ARID3C: variants seen among roughly 807,000 people sequenced by gnomAD.
ARID3C encodes the protein AT-rich interaction domain 3C, also known as AT-rich interactive domain-containing protein 3C.
Under a neutral mutation model 37.9 loss-of-function variants are expected in ARID3C, and 42 were observed. That is an observed-to-expected ratio of 1.11 (90% CI 0.87 to 1.43). The LOEUF (loss-of-function observed/expected upper bound fraction) is 1.43, where lower values mean the gene tolerates loss of function less well. Ranked by LOEUF, ARID3C falls within the 40% of genes most tolerant of loss-of-function variation. ARID3C has a pLI of 0.00. For missense variants in ARID3C, 581 were observed against 548.8 expected (o/e 1.06, Z -0.59); for synonymous variants, 213 against 228.0 (o/e 0.93, Z 0.59).
At position 34,623,728 on chromosome 9, in the gene ARID3C, G is replaced by A. The variant is rs771031503; in HGVS notation, c.576-14C>T. On this transcript the variant is annotated splice_polypyrimidine_tract_variant and intron_variant, in intron 3 of 6. Transcript: ENST00000378909. ...TACTTCATGTACCTAGGGGCGGACAGCGGGCGGTGAGTGTATGGGAGGCTG... is the reference window on the plus strand; with the variant it reads ...TACTTCATGTACCTAGGGGCGGACAACGGGCGGTGAGTGTATGGGAGGCTG... 4 of 1,516,454 alleles carry A rather than the reference G, an allele frequency of 2.6e-6. No individual in the cohort carries two copies. The highest frequency in any genetic ancestry group is 1.8e-4 in the Middle Eastern group (1 of 5,472). The allele number at this position is 1,516,454 out of a possible 1,614,324, so 93.9% of individuals were successfully genotyped here.
Position 34,625,103 on chromosome 9 carries a change from C to T in ARID3C, c.391+639G>A, listed in dbSNP as rs117101484. On this transcript the variant is annotated intron_variant, in intron 2 of 6. Transcript: ENST00000378909. ...GGTAACAGGGCAGCCAGTTAATTAG[C>T]GGCTTATCAGGCTGCGCTCTGAGTG... 4.6e-3 allele frequency among the ~76,000 whole-genome samples: 696 copies of T among 152,212 alleles called. 4 individuals are homozygous for T. Among genetic ancestry groups the T allele is most frequent in the Non-Finnish European group, 7.1e-3 (486 of 68,004 alleles).
upstream of ARID3C, among the ~76,000 whole-genome samples, chr9:34,630,191 C>T (rs931079983): frequency 6.6e-6 from 1 of 152,200 alleles, no homozygotes; most frequent in African/African-American, 2.4e-5. Context: ...CTATGTGTGC[C>T]TGACTGCCAC....
At chr9:34,623,682 T>G in exon 4 of ARID3C, 1 of 1,575,918 alleles carries the variant, frequency 6.3e-7, no homozygotes, top group Non-Finnish European at 8.6e-7. Context: ...CGCTCGAGTC[T>G]CGCACTCGTA....
intron 2 of ARID3C, among the ~76,000 whole-genome samples, 182 bp from the exon 4 acceptor site, chr9:34,624,229 C>G (rs1245983543): frequency 6.7e-6 from 1 of 149,288 alleles, no homozygotes. Flanking sequence ...CGGGGGGGGG[C>G]AAAGTTCTGT....
intron 4 of ARID3C, 52 bp downstream of exon 5, chr9:34,623,373 C>T (rs1489596640): frequency 1.6e-5 from 23 of 1,463,480 alleles, no homozygotes; most frequent in Non-Finnish European, 2.0e-5. Flanking sequence ...TATATCTTAG[C>T]GCCCACCTAA....
chr9:34,625,664 A>G (rs1820644924), intron 2 of ARID3C, 78 bp downstream of exon 3: 1 of 1,536,146 alleles, frequency 6.5e-7, no homozygotes, highest in Admixed American at 1.7e-5. Flanking sequence ...AGGCCTCAGC[A>G]GGGAGAACCC....
At chr9:34,623,240 T>G (rs1243796522) in intron 4 of ARID3C, among the ~76,000 whole-genome samples, 185 bp downstream of exon 5, 15 of 151,738 alleles carry the variant, frequency 9.9e-5, no homozygotes, top group Admixed American at 9.8e-4. Context: ...GAGCTCTCAT[T>G]TGGCCGCAAA....
chr9:34,623,876 G>A, exon 3 of ARID3C: 1 of 1,597,836 alleles, frequency 6.3e-7, no homozygotes, highest in African/African-American at 1.3e-5. Flanking sequence ...GGTGCGTAGA[G>A]TGAAGGCGGC....
At chr9:34,627,873 C>A in exon 1 of ARID3C, 2 of 1,579,662 alleles carry the variant, frequency 1.3e-6, no homozygotes, top group East Asian at 2.3e-5. Flanking sequence ...TCAGCCCCAA[C>A]ATTCCCCAAG....
At chr9:34,627,755 G>A in exon 1 of ARID3C, 1 of 1,614,142 alleles carries the variant, frequency 6.2e-7, no homozygotes, top group Non-Finnish European at 8.5e-7. Flanking sequence ...GGGCTGGCTA[G>A]AAGGCGAGCT....
At chr9:34,621,612 G>T (rs895573865) in intron 6 of ARID3C, 54 bp from the exon 8 acceptor site, 6 of 1,317,972 alleles carry the variant, frequency 4.6e-6, no homozygotes, top group Admixed American at 2.4e-5. Flanking sequence ...GAGGGGGTAG[G>T]GTATGGAAAC....
chr9:34,622,452 G>T, exon 5 of ARID3C: 1 of 1,614,104 alleles, frequency 6.2e-7, no homozygotes, highest in Non-Finnish European at 8.5e-7. Flanking sequence ...GGCTCCTCTG[G>T]TGCCAATTTC....
intron 1 of ARID3C, 63 bp downstream of exon 2, chr9:34,627,634 C>T: frequency 2.0e-6 from 3 of 1,480,614 alleles, no homozygotes; most frequent in South Asian, 1.3e-5. Context: ...AATCACCTGG[C>T]TGTGCTTTTG....
At chr9:34,630,560 C>T (rs916293438), upstream of ARID3C, among the ~76,000 whole-genome samples, 2 of 152,136 alleles carry the variant, frequency 1.3e-5, no homozygotes, top group African/African-American at 2.4e-5. Context: ...TTTGTCTCCT[C>T]CCTCCTCCCT....
At chr9:34,622,286 A>G (rs375987273) in intron 5 of ARID3C, 61 bp downstream of exon 6, 2 of 1,570,936 alleles carry the variant, frequency 1.3e-6, no homozygotes, top group Non-Finnish European at 8.6e-7. Flanking sequence ...CTATCAGGTG[A>G]TGGGTCAATC....
At chr9:34,629,082 GGGGGC>G (rs1820698619), upstream of ARID3C, among the ~76,000 whole-genome samples, 1 of 152,038 alleles carries the variant, frequency 6.6e-6, no homozygotes, top group African/African-American at 2.4e-5. Flanking sequence ...CGGCGGCCGC[GGGGGC>G]GGGACCCGAG....
upstream of ARID3C, among the ~76,000 whole-genome samples, chr9:34,631,893 G>A (rs1820725854): frequency 5.3e-5 from 8 of 152,358 alleles, no homozygotes; most frequent in South Asian, 1.7e-3. Flanking sequence ...CCCTTGGCAG[G>A]GGGCCTGTTC....
chr9:34,631,372 C>T (rs1820721938), upstream of ARID3C, among the ~76,000 whole-genome samples: 1 of 152,188 alleles, frequency 6.6e-6, no homozygotes, highest in Admixed American at 6.5e-5. Context: ...ATATGCTTGA[C>T]TGGGACTTGG....
chr9:34,631,353 G>A (rs1820721727), upstream of ARID3C, among the ~76,000 whole-genome samples: 1 of 152,180 alleles, frequency 6.6e-6, no homozygotes, highest in East Asian at 1.9e-4. Flanking sequence ...GAAGGGCTGA[G>A]GGGAAGGAAT....
Sources: gnomAD v4.1 joint callset for allele counts (sites outside exome capture counted in the v4.1 genomes callset) on GRCh38, gnomAD v4.1.1 for gene constraint, MANE v1.5 for transcripts, NCBI Gene and HGNC (gene_info 2026-07-23, HGNC 2026-07-21) for gene names.